The following MAP4K4 variants were observed in gnomAD, a reference collection of about 807,000 sequenced individuals.
MAP4K4 encodes mitogen-activated protein kinase kinase kinase kinase 4.
In MAP4K4, 38 loss-of-function variants were observed where a neutral mutation model predicts 189.6. The ratio of observed to expected loss-of-function variants is 0.20; its 90% confidence interval spans 0.15 to 0.26. MAP4K4 has a LOEUF of 0.26. Among genes scored for constraint, MAP4K4 ranks in the 10% least tolerant of loss-of-function variants. MAP4K4 has a pLI of 1.00. For missense variants in MAP4K4, 1,054 were observed against 1,726.9 expected, an observed-to-expected ratio of 0.61 and a Z score of 6.91; for synonymous variants, 610 against 624.3, an observed-to-expected ratio of 0.98 and a Z score of 0.34.
chr2:101,883,681 A>C (rs1210766683), intron 28 of MAP4K4, among the ~76,000 whole-genome samples: 2 of 152,140 alleles, frequency 1.3e-5, no homozygotes, highest in Admixed American at 6.5e-5. Flanking sequence ...GGGCCTATTG[A>C]ATGTTTGTTT....
intron 5 of MAP4K4, 98 bp from the exon 6 acceptor site, chr2:101,829,406 C>T: frequency 1.3e-6 from 1 of 744,774 alleles, no homozygotes; most frequent in Non-Finnish European, 2.3e-6. Context: ...TCACAAACAC[C>T]TTTGGTCCAC....
chr2:101,717,697 G>A (rs2049188311), intron 2 of MAP4K4, among the ~76,000 whole-genome samples: 1 of 152,300 alleles, frequency 6.6e-6, no homozygotes, highest in Non-Finnish European at 1.5e-5. Flanking sequence ...AGTCTCACAA[G>A]CAATGATTCT....
intron 3 of MAP4K4, among the ~76,000 whole-genome samples, chr2:101,803,512 C>CT (rs1434202226): frequency 3.3e-5 from 5 of 151,810 alleles, no homozygotes; most frequent in Admixed American, 1.3e-4. Context: ...CACCCCTGCC[C>CT]TTTTTTTTGC....
intron 3 of MAP4K4, among the ~76,000 whole-genome samples, chr2:101,791,321 T>A (rs886318650): frequency 6.6e-6 from 1 of 152,106 alleles, no homozygotes; most frequent in Non-Finnish European, 1.5e-5. Context: ...CGCATGAGGA[T>A]TTACTGTGCA....
At chr2:101,842,270 G>A (rs1461313295) in intron 10 of MAP4K4, among the ~76,000 whole-genome samples, 1 of 152,132 alleles carries the variant, frequency 6.6e-6, no homozygotes, top group East Asian at 1.9e-4. Context: ...AGTGGATTTT[G>A]GTGAATTTGC....
chr2:101,710,715 G>A lies in MAP4K4; in HGVS notation c.123+12177G>A, dbSNP rs180758235. Among the ~76,000 whole-genome samples the A allele has an allele frequency of 5.9e-5, 9 of 152,274 alleles. No individual in the cohort carries two copies. The South Asian group carries it at 8.3e-4, about 14-fold the overall frequency. ...AAGTTAGAGCTGATAAAACAGATAC[G>A]GTGGTATGCACAGTGAAGCTTTATG... On this transcript the variant is annotated intron_variant, in intron 2 of 32. Transcript: ENST00000324219.
chr2:101,796,233 C>G (rs1430006610), intron 3 of MAP4K4, among the ~76,000 whole-genome samples: 4 of 152,280 alleles, frequency 2.6e-5, no homozygotes, highest in South Asian at 4.1e-4. Context: ...CAAAATGTAG[C>G]TATTGGACCA....
At chr2:101,881,597 G>T (rs1334218371) in intron 27 of MAP4K4, among the ~76,000 whole-genome samples, 3 of 152,090 alleles carry the variant, frequency 2.0e-5, no homozygotes, top group African/African-American at 7.2e-5. Context: ...TCCTTCACTT[G>T]TTCTCTATCT....
At chr2:101,790,861 G>C (rs2092761312) in intron 3 of MAP4K4, 85 bp downstream of exon 3, 1 of 1,176,456 alleles carries the variant, frequency 8.5e-7, no homozygotes, top group African/African-American at 1.5e-5. Context: ...ACTCTGTTTG[G>C]AAAATCTGAT....
chr2:101,827,905 A>T (rs1484078277), intron 5 of MAP4K4, among the ~76,000 whole-genome samples: 1 of 152,222 alleles, frequency 6.6e-6, no homozygotes, highest in Non-Finnish European at 1.5e-5. Flanking sequence ...TTGCTCGAGG[A>T]TAGGTCCTTC....
At chr2:101,872,634 C>G (rs2098078599) in intron 24 of MAP4K4, among the ~76,000 whole-genome samples, 1 of 152,156 alleles carries the variant, frequency 6.6e-6, no homozygotes, top group African/African-American at 2.4e-5. Flanking sequence ...GCTTCCTAGA[C>G]AGGCTTGGCA....
chr2:101,758,248 C>T (rs926272042), intron 2 of MAP4K4, among the ~76,000 whole-genome samples: 1 of 152,052 alleles, frequency 6.6e-6, no homozygotes, highest in Admixed American at 6.6e-5. Context: ...GATGACAGAG[C>T]AAAAGTATCT....
intron 2 of MAP4K4, among the ~76,000 whole-genome samples, chr2:101,699,868 C>G (rs145064310): frequency 2.0e-5 from 3 of 152,110 alleles, no homozygotes; most frequent in Non-Finnish European, 4.4e-5. Flanking sequence ...AAGAGAGCCC[C>G]GTTAACTCAG....
intron 2 of MAP4K4, among the ~76,000 whole-genome samples, chr2:101,752,304 A>G (rs2069504832): frequency 6.6e-6 from 1 of 152,200 alleles, no homozygotes; most frequent in Admixed American, 6.6e-5. Flanking sequence ...ACACTTGGTC[A>G]TACAGTTTTA....
chr2:101,857,873 G>T (rs2097526637), intron 13 of MAP4K4, among the ~76,000 whole-genome samples: 1 of 152,116 alleles, frequency 6.6e-6, no homozygotes, highest in South Asian at 2.1e-4. Context: ...TTGTTTCAAG[G>T]TGTGCACCAT....
intron 2 of MAP4K4, among the ~76,000 whole-genome samples, chr2:101,764,711 C>G (rs199838580): frequency 6.6e-6 from 1 of 152,144 alleles, no homozygotes; most frequent in East Asian, 1.9e-4. Context: ...AATATAAGCC[C>G]TGCACCTTCT....
intron 12 of MAP4K4, among the ~76,000 whole-genome samples, chr2:101,844,894 A>T (rs940527522): frequency 2.6e-5 from 4 of 152,236 alleles, no homozygotes; most frequent in Middle Eastern, 3.4e-3. Context: ...CTATGTAACA[A>T]ACCACGTTCT....
chr2:101,815,968 C>T (rs149645337), intron 3 of MAP4K4, among the ~76,000 whole-genome samples: 1 of 152,284 alleles, frequency 6.6e-6, no homozygotes, highest in Non-Finnish European at 1.5e-5. Flanking sequence ...GCTCTCTGTG[C>T]AGCTGTCTCC....
chr2:101,836,229 T>C (rs1418440258), intron 9 of MAP4K4, among the ~76,000 whole-genome samples: 1 of 152,146 alleles, frequency 6.6e-6, no homozygotes, highest in Non-Finnish European at 1.5e-5. Context: ...AAGACAAATG[T>C]TCCATTTTAG....
Sources: allele counts gnomAD v4.1 joint callset (sites outside exome capture counted in the v4.1 genomes callset), GRCh38; gene constraint gnomAD v4.1.1; transcripts MANE v1.5; gene names NCBI Gene and HGNC (gene_info 2026-07-23, HGNC 2026-07-21).